The following FOXP1 variants were observed in gnomAD, a reference collection of about 807,000 sequenced individuals.
FOXP1 encodes forkhead box protein P1.
In FOXP1, 15 loss-of-function variants were observed where a neutral mutation model predicts 98.2. The ratio of observed to expected loss-of-function variants is 0.15; its 90% CI spans 0.10 to 0.24. The LOEUF (loss-of-function observed/expected upper bound fraction) is 0.24, where lower values mean the gene tolerates loss of function less well. Ranked by LOEUF, FOXP1 falls within the 10% of genes least tolerant of loss-of-function variation. The probability of loss-of-function intolerance (pLI) is 1.00; values close to 1 mark genes in which losing one functional copy is unlikely to be tolerated. For synonymous variants in FOXP1, 371 were observed against 314.5 expected (o/e 1.18, Z -1.90); for missense variants, 633 against 848.5 (o/e 0.75, Z 3.15).
chr3:71,041,659 T>C (rs977797020), intron 10 of FOXP1, 127 bp from the exon 11 acceptor site: 1 of 870,058 alleles, frequency 1.1e-6, no homozygotes. Flanking sequence ...TGTGCAGTTT[T>C]TTTTCCCCTC....
At chr3:71,288,766 T>C (rs2072440959) in intron 5 of FOXP1, among the ~76,000 whole-genome samples, 2 of 152,042 alleles carry the variant, frequency 1.3e-5, no homozygotes, top group Non-Finnish European at 2.9e-5. Context: ...TGGGGGAAAA[T>C]GTGGTAACTG....
chr3:71,501,943 G>A (rs2041404311), intron 2 of FOXP1, among the ~76,000 whole-genome samples: 1 of 152,126 alleles, frequency 6.6e-6, no homozygotes, highest in Admixed American at 6.5e-5. Flanking sequence ...AGCAAGGCAG[G>A]GTCTGGGATT....
At chr3:71,284,445 T>G (rs1048358528) in intron 5 of FOXP1, among the ~76,000 whole-genome samples, 1 of 152,048 alleles carries the variant, frequency 6.6e-6, no homozygotes, top group Non-Finnish European at 1.5e-5. Flanking sequence ...GCAACTGAAG[T>G]CTAAGCTACT....
chr3:71,375,442 G>A (rs747275945), intron 3 of FOXP1, among the ~76,000 whole-genome samples: 40 of 152,120 alleles, frequency 2.6e-4, no homozygotes, highest in Non-Finnish European at 5.1e-4. Context: ...GTATATACAC[G>A]TTTTGTTTCT....
chr3:71,469,794 T>C (rs1029565904), intron 3 of FOXP1, among the ~76,000 whole-genome samples: 1 of 152,178 alleles, frequency 6.6e-6, no homozygotes, highest in African/African-American at 2.4e-5. Flanking sequence ...ACTGGAACTT[T>C]CTCAAATATC....
intron 3 of FOXP1, among the ~76,000 whole-genome samples, chr3:71,445,154 C>T (rs1457844799): frequency 2.0e-5 from 3 of 152,114 alleles, no homozygotes; most frequent in Non-Finnish European, 4.4e-5. Flanking sequence ...AGAGCCATAA[C>T]CCCCATTTTA....
chr3:71,081,167 C>T (rs2054371497), intron 7 of FOXP1, among the ~76,000 whole-genome samples: 1 of 152,230 alleles, frequency 6.6e-6, no homozygotes, highest in African/African-American at 2.4e-5. Flanking sequence ...CAGAACTTGA[C>T]TTTCCTCAGG....
intron 11 of FOXP1, among the ~76,000 whole-genome samples, chr3:71,025,101 A>C (rs2045938364): frequency 6.6e-6 from 1 of 152,178 alleles, no homozygotes; most frequent in South Asian, 2.1e-4. Flanking sequence ...TATTTAAACG[A>C]GACGATTTAT....
intron 5 of FOXP1, among the ~76,000 whole-genome samples, chr3:71,279,100 G>A (rs1050835554): frequency 6.9e-6 from 1 of 145,248 alleles, no homozygotes; most frequent in African/African-American, 2.6e-5. Flanking sequence ...GATAGAGTCA[G>A]GAGAATTGCT....
At chr3:71,583,869 C>T (rs1341573309), upstream of FOXP1, 2 of 985,350 alleles carry the variant, frequency 2.0e-6, no homozygotes, top group South Asian at 9.1e-5. Flanking sequence ...CCCGGCCCGA[C>T]CCTCTACCTC....
chr3:71,331,208 G>A (rs1025444781), intron 4 of FOXP1, among the ~76,000 whole-genome samples: 9 of 152,194 alleles, frequency 5.9e-5, no homozygotes, highest in East Asian at 1.9e-4. Context: ...GAGTGGGCTC[G>A]GCGGCCCCGC....
chr3:71,442,472 C>T (rs577042749), intron 3 of FOXP1, among the ~76,000 whole-genome samples: 45 of 151,670 alleles, frequency 3.0e-4, no homozygotes, highest in Non-Finnish European at 4.7e-4. Context: ...ATCTTGAGAA[C>T]GTCCAGCTGA....
At chr3:70,977,614 G>T in intron 16 of FOXP1, 29 bp downstream of exon 16, 2 of 1,555,856 alleles carry the variant, frequency 1.3e-6, no homozygotes, top group Middle Eastern at 1.9e-4. Flanking sequence ...CCTTCTGACA[G>T]AATTTCATAT....
chr3:71,176,421 C>T (rs6767405), intron 6 of FOXP1, among the ~76,000 whole-genome samples: 1 of 152,158 alleles, frequency 6.6e-6, no homozygotes, highest in African/African-American at 2.4e-5. Context: ...ATACTTCCAT[C>T]CCCCTGACCA....
In FOXP1 at chr3:71,507,156, T is replaced by G. The variant is rs113380196; in HGVS notation, c.-297-13601A>C. 4.9e-3 allele frequency among the ~76,000 whole-genome samples: 745 copies of G among 152,314 alleles called. 8 individuals are homozygous for G. The highest frequency in any genetic ancestry group is 0.017 in the African/African-American group (712 of 41,566). On this transcript the variant is annotated intron_variant, in intron 2 of 20. Transcript: ENST00000649528. ...CCACAGAACTTAATTATGCCCCAGT[T>G]TTCTTTCATGCCCATTGATCTAATT...
chr3:71,538,610 C>T (rs2107590388), intron 2 of FOXP1, among the ~76,000 whole-genome samples: 1 of 152,306 alleles, frequency 6.6e-6, no homozygotes, highest in Non-Finnish European at 1.5e-5. Context: ...AAATCATTCT[C>T]CTATGAACAT....
intron 11 of FOXP1, among the ~76,000 whole-genome samples, chr3:71,025,161 A>C (rs1191623232): frequency 6.6e-6 from 1 of 152,220 alleles, no homozygotes; most frequent in African/African-American, 2.4e-5. Context: ...ACAAGCCAAA[A>C]ATGGAGAATG....
chr3:71,426,491 T>C (rs1250512229), intron 3 of FOXP1, among the ~76,000 whole-genome samples: 2 of 152,058 alleles, frequency 1.3e-5, no homozygotes, highest in African/African-American at 4.8e-5. Context: ...ACAGGATAAG[T>C]AGAGATGAAC....
intron 5 of FOXP1, among the ~76,000 whole-genome samples, chr3:71,271,747 A>G (rs1402992): frequency 0.16 from 25,006 of 152,170 alleles, 2,250 homozygotes; most frequent in African/African-American, 0.21. Flanking sequence ...GAGGCTGCTC[A>G]CGTACCAAAA....
Sources: allele counts gnomAD v4.1 joint callset (sites outside exome capture counted in the v4.1 genomes callset), GRCh38; gene constraint gnomAD v4.1.1; transcripts MANE v1.5; gene names NCBI Gene and HGNC (gene_info 2026-07-23, HGNC 2026-07-21).